The following GREM2 variants were observed in gnomAD, a reference collection of about 807,000 sequenced individuals.
GREM2 encodes the protein gremlin 2, DAN family BMP antagonist, also known as gremlin-2.
GREM2 carries 11 observed loss-of-function variants against 14.2 expected under a neutral mutation model. The observed-to-expected ratio is 0.78, with a 90% confidence interval of 0.49 to 1.28. GREM2 has a LOEUF of 1.28. Among genes scored for constraint, GREM2 ranks in the 50% most tolerant of loss-of-function variants. The pLI, the probability that GREM2 is intolerant of heterozygous loss-of-function variation, is 0.00. For missense variants in GREM2, 210 were observed against 218.5 expected (o/e 0.96, Z 0.24); for synonymous variants, 98 against 97.6 (o/e 1.00, Z -0.02).
intron 1 of GREM2, among the ~76,000 whole-genome samples, chr1:240,591,150 C>T (rs1051544844): frequency 1.3e-5 from 2 of 152,134 alleles, no homozygotes; most frequent in South Asian, 2.1e-4. Flanking sequence ...CCTGTCCACC[C>T]CATCAAAAGA....
intron 1 of GREM2, among the ~76,000 whole-genome samples, chr1:240,581,539 G>C (rs1400238616): frequency 2.0e-5 from 3 of 152,076 alleles, no homozygotes; most frequent in Non-Finnish European, 2.9e-5. Flanking sequence ...TTATAACAAA[G>C]TCATTAAAAT....
chr1:240,598,232 T>A (rs1405364784), intron 1 of GREM2, among the ~76,000 whole-genome samples: 1 of 152,214 alleles, frequency 6.6e-6, no homozygotes, highest in African/African-American at 2.4e-5. Flanking sequence ...CTTGTTGTCG[T>A]TAAAGGGACT....
In GREM2 at chr1:240,534,641, T is replaced by C. The variant is rs1678435085; in HGVS notation, c.-1-41165A>G. 5.4e-5 allele frequency among the ~76,000 whole-genome samples: 8 copies of C among 147,586 alleles called. No homozygotes were observed. The South Asian group carries it at 1.5e-3, about 28-fold the overall frequency. On this transcript the variant is annotated intron_variant, in intron 1 of 1. Transcript: ENST00000318160. Reference sequence around the variant, plus strand: ...CCAGGAAGTGGAGCTTGCAGTGAGCTGAGATCTTGCCACTGCACTCCAGCC... The same window carrying C: ...CCAGGAAGTGGAGCTTGCAGTGAGCCGAGATCTTGCCACTGCACTCCAGCC...
chr1:240,532,584 A>G (rs1314935796), intron 1 of GREM2, among the ~76,000 whole-genome samples: 1 of 152,192 alleles, frequency 6.6e-6, no homozygotes, highest in Non-Finnish European at 1.5e-5. Context: ...AGTGACATTT[A>G]CTGAGGGCCA....
chr1:240,504,885 T>A (rs1037779634), intron 1 of GREM2, among the ~76,000 whole-genome samples: 2 of 152,216 alleles, frequency 1.3e-5, no homozygotes, highest in Non-Finnish European at 1.5e-5. Context: ...TCTATTTATG[T>A]GAACACATTT....
chr1:240,575,864 G>T (rs1260366448), intron 1 of GREM2, among the ~76,000 whole-genome samples: 1 of 126,364 alleles, frequency 7.9e-6, no homozygotes, highest in African/African-American at 3.1e-5. Flanking sequence ...GGAGAATCAA[G>T]AACAACATCA....
intron 1 of GREM2, among the ~76,000 whole-genome samples, chr1:240,538,998 G>A (rs1290511491): frequency 6.6e-6 from 1 of 152,138 alleles, no homozygotes; most frequent in African/African-American, 2.4e-5. Context: ...CCAAGTACAT[G>A]GCAGACATCC....
intron 1 of GREM2, among the ~76,000 whole-genome samples, chr1:240,583,934 T>A (rs1679540197): frequency 6.6e-6 from 1 of 152,052 alleles, no homozygotes; most frequent in Admixed American, 6.6e-5. Context: ...TTTTATCTAC[T>A]TCTGAAATTA....
chr1:240,606,560 A>C (rs1441246641), intron 1 of GREM2, among the ~76,000 whole-genome samples: 2 of 152,016 alleles, frequency 1.3e-5, no homozygotes, highest in Non-Finnish European at 2.9e-5. Context: ...CTTCTTCACT[A>C]TTATGCCCTA....
At position 240,547,522 on chromosome 1, in the gene GREM2, T is replaced by A. The variant is rs1490919147; in HGVS notation, c.-1-54046A>T. 2.7e-3 allele frequency among the ~76,000 whole-genome samples: 343 copies of A among 125,218 alleles called. 2 individuals are homozygous for A. Among genetic ancestry groups the A allele is most frequent in the African/African-American group, 0.014 (328 of 24,110 alleles). 82.1% of individuals were successfully genotyped at this position (125,218 alleles called of 152,430 possible). On this transcript the variant is annotated intron_variant, in intron 1 of 1. Transcript: ENST00000318160. Reference sequence around the variant, plus strand: ...CTCAAAAAAAAAAAAAAAATATATATATATATATATATAGATAGATAGATA... The same window carrying A: ...CTCAAAAAAAAAAAAAAAATATATAAATATATATATATAGATAGATAGATA...
rs140960597 is a variant in GREM2 at position 240,593,548 on chromosome 1, C to T, written c.-2+18336G>A. On this transcript the variant is annotated intron_variant, in intron 1 of 1. Transcript: ENST00000318160. ...AGATTAGGTGAAGATTAAATGAGAT[C>T]GTGAACAAAAGGTAATCAGCAACGT... 8.8e-4 allele frequency among the ~76,000 whole-genome samples: 134 copies of T among 152,264 alleles called. 3 individuals are homozygous for T. Among genetic ancestry groups the T allele is most frequent in the Admixed American group, 6.2e-3 (94 of 15,274 alleles).
At chr1:240,526,041 C>G (rs1355770385) in intron 1 of GREM2, among the ~76,000 whole-genome samples, 3 of 152,190 alleles carry the variant, frequency 2.0e-5, no homozygotes, top group Admixed American at 1.3e-4. Context: ...GAAACGTACT[C>G]CTGCTTTAAG....
chr1:240,508,896 C>A (rs1677737767), intron 1 of GREM2, among the ~76,000 whole-genome samples: 1 of 152,190 alleles, frequency 6.6e-6, no homozygotes. Flanking sequence ...CTCTGAAAAA[C>A]AAAGCCCAAA....
At chr1:240,498,325 A>T (rs1444708884) in intron 1 of GREM2, among the ~76,000 whole-genome samples, 2 of 152,210 alleles carry the variant, frequency 1.3e-5, no homozygotes, top group Non-Finnish European at 2.9e-5. Context: ...GGGCGAAGTC[A>T]GTCTCTTCTC....
chr1:240,558,165 G>T (rs1388671534), intron 1 of GREM2, among the ~76,000 whole-genome samples: 1 of 152,074 alleles, frequency 6.6e-6, no homozygotes, highest in Non-Finnish European at 1.5e-5. Context: ...TCTTCCACGT[G>T]GGGAGTGAGT....
chr1:240,575,066 C>A (rs1335339115), intron 1 of GREM2, among the ~76,000 whole-genome samples: 1 of 151,726 alleles, frequency 6.6e-6, no homozygotes, highest in Non-Finnish European at 1.5e-5. Context: ...AAGATCGCAC[C>A]ACTGCATTCC....
chr1:240,501,373 G>A (rs1171064985), intron 1 of GREM2, among the ~76,000 whole-genome samples: 1 of 152,152 alleles, frequency 6.6e-6, no homozygotes, highest in African/African-American at 2.4e-5. Flanking sequence ...TTTGTTCCAG[G>A]AGAAGCTTAA....
chr1:240,600,747 A>C (rs1019990200), intron 1 of GREM2, among the ~76,000 whole-genome samples: 1 of 151,840 alleles, frequency 6.6e-6, no homozygotes, highest in African/African-American at 2.4e-5. Flanking sequence ...GCCTCCCAAA[A>C]TGCTGGGATT....
intron 1 of GREM2, among the ~76,000 whole-genome samples, chr1:240,507,434 G>A (rs994583222): frequency 4.6e-5 from 7 of 152,024 alleles, no homozygotes; most frequent in African/African-American, 7.2e-5. Context: ...GGGTTCAAGC[G>A]ATTCTCCTGC....
Sources: gnomAD v4.1 joint callset for allele counts (sites outside exome capture counted in the v4.1 genomes callset) on GRCh38, gnomAD v4.1.1 for gene constraint, MANE v1.5 for transcripts, NCBI Gene and HGNC (gene_info 2026-07-23, HGNC 2026-07-21) for gene names.